The following CD55 variants were observed in gnomAD, a reference collection of about 807,000 sequenced individuals.
The protein encoded by CD55 is CD55 molecule (Cromer blood group).
Under a neutral mutation model 45.8 loss-of-function variants are expected in CD55, and 41 were observed. That is an observed-to-expected ratio of 0.90 (90% CI 0.70 to 1.16). The LOEUF (loss-of-function observed/expected upper bound fraction) is 1.16, where lower values mean the gene tolerates loss of function less well. Ranked by LOEUF, CD55 falls within the 50% of genes most tolerant of loss-of-function variation. The pLI is 0.00. For synonymous variants in CD55, 181 were observed against 181.1 expected, an observed-to-expected ratio of 1.00 and a Z score of 0.01; for missense variants, 416 against 469.8, an observed-to-expected ratio of 0.89 and a Z score of 1.06.
At chr1:207,344,975 C>T (rs1258032428) in intron 9 of CD55, among the ~76,000 whole-genome samples, 1 of 152,168 alleles carries the variant, frequency 6.6e-6, no homozygotes, top group Non-Finnish European at 1.5e-5. Context: ...CTCGGCCTCC[C>T]AAAGTGCTGG....
At position 207,325,713 on chromosome 1, in the gene CD55, T is replaced by C. The variant is rs1346094681; in HGVS notation, c.570T>C (p.Cys190=). 14 of 1,591,778 alleles carry C rather than the reference T, an allele frequency of 8.8e-6. No homozygotes were observed. The highest frequency in any genetic ancestry group is 5.0e-5 in the Admixed American group (3 of 59,634). ...ILFGATISFS[C]NTGYKLFGST... The stretch of plus-strand genomic sequence containing the variant: ...TTGGTGCAACCATCTCCTTCTCATG[T>C]AACACAGGGTAAGTTTGGGCATACT... The change falls in exon 4 of 10, where the codon TGT becomes TGC. Residue 190 remains cysteine (C), a synonymous_variant. Transcript: ENST00000367064.
chr1:207,324,510 C>T (rs769513812), intron 2 of CD55, 49 bp from the exon 3 acceptor site: 2 of 1,350,716 alleles, frequency 1.5e-6, no homozygotes, highest in Non-Finnish European at 2.0e-6. Context: ...GATTATAAAA[C>T]AAAAATTGAT....
intron 8 of CD55, among the ~76,000 whole-genome samples, chr1:207,337,812 T>C (rs1655253096): frequency 6.6e-6 from 1 of 152,118 alleles, no homozygotes; most frequent in South Asian, 2.1e-4. Context: ...TGCTAAGGAA[T>C]CTTCCCGGAT....
intron 1 of CD55, 31 bp downstream of exon 1, chr1:207,321,896 CCTGGG>C: frequency 6.8e-7 from 1 of 1,463,216 alleles, no homozygotes; most frequent in Non-Finnish European, 9.1e-7. Context: ...CGGGGAAGCC[CCTGGG>C]CTGGGTGGGA....
At chr1:207,356,850 G>C (rs1179420263) in intron 9 of CD55, among the ~76,000 whole-genome samples, 3 of 152,166 alleles carry the variant, frequency 2.0e-5, no homozygotes, top group Non-Finnish European at 4.4e-5. Context: ...GATGTGTCCT[G>C]TAGACAGATG....
At chr1:207,353,963 CTT>C (rs763427641) in intron 9 of CD55, 189 of 1,518,962 alleles carry the variant, frequency 1.2e-4, no homozygotes, top group Non-Finnish European at 1.6e-4. Context: ...CTTTCCATAA[CTT>C]TTTGTTTTCA....
At chr1:207,353,918 T>C in intron 9 of CD55, 1 of 1,236,262 alleles carries the variant, frequency 8.1e-7, no homozygotes, top group African/African-American at 1.5e-5. Context: ...CCCTTTATTC[T>C]GTTACATTAA....
chr1:207,339,406 G>A lies in CD55; in HGVS notation c.1070G>A (p.Arg357His), dbSNP rs148720717. Residue 357 changes from arginine to histidine, a missense_variant, in exon 9 of 10, where the codon CGT becomes CAT. Arg to His is a conservative substitution (Grantham distance 29). Around this residue, in one of 3 missense-constraint regions of CD55, gnomAD observed 182 missense variants for 201.4 expected, o/e 0.90. Coordinates refer to ENST00000367064, the MANE Select transcript of CD55 (RefSeq NM_000574.5). ...TCCCCTTCGTCTGTAGGTACTACCCGTCTTCTATCTGGTAAGTTTGGCTCT... is the reference window on the plus strand; with the variant it reads ...TCCCCTTCGTCTGTAGGTACTACCCATCTTCTATCTGGTAAGTTTGGCTCT... ...KGSGTTSGTT[R>H]LLSGHTCFTL... 74 of 1,605,344 alleles carry A rather than the reference G, an allele frequency of 4.6e-5. No individual in the cohort carries two copies. The highest frequency in any genetic ancestry group is 3.3e-4 in the Middle Eastern group (2 of 6,066).
At chr1:207,340,657 G>C in intron 9 of CD55, 1 of 594,378 alleles carries the variant, frequency 1.7e-6, no homozygotes. Context: ...GTGAGCCACT[G>C]CACCTGGCCC....
rs1396972084 is a variant in CD55 at position 207,349,597 on chromosome 1, C to T, written c.1082-9949C>T. On this transcript the variant is annotated intron_variant, in intron 9 of 9. Transcript: ENST00000367064. Reference sequence around the variant, plus strand: ...GTATTTCTCTATAGAGATCATTCACCTCCCTGGTTAGCTGTATTCATAGGT... The same window carrying T: ...GTATTTCTCTATAGAGATCATTCACTTCCCTGGTTAGCTGTATTCATAGGT... Among the ~76,000 whole-genome samples, 3 of 152,150 alleles carry T rather than the reference C, an allele frequency of 2.0e-5. No homozygotes were observed. In the East Asian group the frequency reaches 5.8e-4, roughly 29 times the overall value.
At chr1:207,340,753 T>C (rs1418094608) in intron 9 of CD55, 1 of 460,136 alleles carries the variant, frequency 2.2e-6, no homozygotes, top group East Asian at 3.5e-5. Context: ...TCAATAAATA[T>C]GTGAATGCAC....
At chr1:207,340,468 C>T (rs755373322) in intron 9 of CD55, 9 of 676,840 alleles carry the variant, frequency 1.3e-5, no homozygotes, top group Admixed American at 2.1e-5. Flanking sequence ...TGGGTTCAAG[C>T]GATCCTTCCA....
chr1:207,354,059 A>C (rs1399709753), intron 9 of CD55: 1 of 1,535,454 alleles, frequency 6.5e-7, no homozygotes, highest in African/African-American at 1.4e-5. Context: ...TTTCTTCAAA[A>C]AAGATGATGT....
intron 5 of CD55, among the ~76,000 whole-genome samples, chr1:207,329,987 C>G (rs1223089159): frequency 2.0e-5 from 3 of 152,054 alleles, no homozygotes; most frequent in Admixed American, 2.0e-4. Flanking sequence ...CCCAGGCTGG[C>G]TACTTCGGGA....
chr1:207,343,189 G>A (rs1193051661), intron 9 of CD55, among the ~76,000 whole-genome samples: 1 of 151,922 alleles, frequency 6.6e-6, no homozygotes, highest in East Asian at 1.9e-4. Context: ...GCTCTGCTCT[G>A]ATTTTTCTTA....
chr1:207,325,674 A>G lies in CD55; in HGVS notation c.531A>G (p.Pro177=). The G allele has an allele frequency of 2.5e-6, 4 of 1,611,584 alleles. No individual in the cohort carries two copies. The highest frequency in any genetic ancestry group is 2.5e-6 in the Non-Finnish European group (3 of 1,178,406). The change falls in exon 4 of 10, where the codon CCA becomes CCG. Residue 177 remains proline, a synonymous_variant. Coordinates refer to ENST00000367064, the MANE Select transcript of CD55 (RefSeq NM_000574.5). ...GEIRNGQIDV[P]GGILFGATIS... ...TACGAAATGGTCAGATTGATGTACC[A>G]GGTGGCATATTATTTGGTGCAACCA...
intron 9 of CD55, among the ~76,000 whole-genome samples, chr1:207,357,586 G>T (rs529082767): frequency 6.7e-6 from 1 of 150,184 alleles, no homozygotes; most frequent in African/African-American, 2.5e-5. Flanking sequence ...GAGGGCGGGC[G>T]GGGGCAGGGC....
intron 9 of CD55, chr1:207,354,146 T>C: frequency 6.7e-7 from 1 of 1,498,738 alleles, no homozygotes; most frequent in Non-Finnish European, 8.9e-7. Flanking sequence ...GTGAAGATGA[T>C]ACCCTATATA....
chr1:207,326,778 G>C lies in CD55; in HGVS notation c.605G>C (p.Ser202Thr). ...TGYKLFGSTS[S>T]FCLISGSSVQ... ...TACAAATTATTTGGCTCGACTTCTA[G>C]TTTTTGTCTTATTTCAGGCAGCTCT... Residue 202 changes from serine to threonine, a missense_variant, in exon 5 of 10, where the codon AGT (serine) becomes ACT (threonine). Ser to Thr is a moderately conservative substitution (Grantham distance 58). Transcript: ENST00000367064. The C allele has an allele frequency of 6.2e-7, 1 of 1,613,758 alleles. No individual in the cohort carries two copies. The highest frequency in any genetic ancestry group is 8.5e-7 in the Non-Finnish European group (1 of 1,179,776).
Sources: allele counts gnomAD v4.1 joint callset (sites outside exome capture counted in the v4.1 genomes callset), GRCh38; gene constraint gnomAD v4.1.1; regional missense constraint gnomAD v4.1.1; transcripts MANE v1.5; gene names NCBI Gene and HGNC (gene_info 2026-07-23, HGNC 2026-07-21).